Variants in ACAP2 observed in about 807,000 individuals in gnomAD.
ACAP2 encodes arf-GAP with coiled-coil, ANK repeat and PH domain-containing protein 2.
ACAP2 carries 39 observed loss-of-function variants against 115.8 expected under a neutral mutation model. The ratio of observed to expected loss-of-function variants is 0.34; its 90% CI spans 0.26 to 0.44. ACAP2 has a LOEUF of 0.44. Among genes scored for constraint, ACAP2 ranks in the 20% least tolerant of loss-of-function variants. The pLI, the probability that ACAP2 is intolerant of heterozygous loss-of-function variation, is 1.00. For missense variants in ACAP2, 662 were observed against 927.6 expected (o/e 0.71, Z 3.72); for synonymous variants, 289 against 315.8 (o/e 0.92, Z 0.90).
At chr3:195,343,502 T>C (rs1417842362) in intron 5 of ACAP2, among the ~76,000 whole-genome samples, 1 of 152,228 alleles carries the variant, frequency 6.6e-6, no homozygotes. Context: ...CATAGCTCAC[T>C]GCAGCCTTAA....
intron 1 of ACAP2, among the ~76,000 whole-genome samples, chr3:195,413,279 G>A (rs900112110): frequency 6.6e-6 from 1 of 152,132 alleles, no homozygotes; most frequent in Non-Finnish European, 1.5e-5. Context: ...ATAGTCAACA[G>A]ACAAAACTGT....
intron 8 of ACAP2, 64 bp downstream of exon 8, chr3:195,332,964 A>C: frequency 7.8e-7 from 1 of 1,281,796 alleles, no homozygotes; most frequent in Non-Finnish European, 1.1e-6. Flanking sequence ...CAATATGCTA[A>C]ATTTCTTTAA....
At chr3:195,416,157 C>CT (rs1194452212) in intron 1 of ACAP2, among the ~76,000 whole-genome samples, 1 of 152,086 alleles carries the variant, frequency 6.6e-6, no homozygotes, top group Admixed American at 6.5e-5. Flanking sequence ...ACCGCCCTGG[C>CT]TAACACGGTG....
chr3:195,426,109 T>C (rs1714667467), intron 1 of ACAP2, among the ~76,000 whole-genome samples: 1 of 152,218 alleles, frequency 6.6e-6, no homozygotes, highest in African/African-American at 2.4e-5. Flanking sequence ...CATCCTTGCC[T>C]ACCTCTGATC....
intron 4 of ACAP2, chr3:195,349,608 A>G (rs938380202): frequency 6.3e-6 from 1 of 158,224 alleles, no homozygotes; most frequent in African/African-American, 2.4e-5. Context: ...AATTAAAAAA[A>G]AAAACAAATG....
Position 195,442,995 on chromosome 3 carries a change from C to G in ACAP2, c.-148G>C. The G allele has an allele frequency of 1.6e-6, 1 of 633,746 alleles. No individual in the cohort carries two copies. Among genetic ancestry groups the G allele is most frequent in the Non-Finnish European group, 2.5e-6 (1 of 401,956 alleles). 39.3% of individuals were successfully genotyped at this position (633,746 alleles called of 1,614,324 possible). ...GCGCCTCGCCCGCTGGTCATAGCAG[C>G]CGCGAAGACGGCGACGACTAGTCAG... On this transcript the variant is annotated 5_prime_UTR_variant, in exon 1 of 23. Coordinates refer to ENST00000326793, the MANE Select transcript of ACAP2 (RefSeq NM_012287.6).
chr3:195,390,124 AGGC>A (rs1473223738), intron 2 of ACAP2, among the ~76,000 whole-genome samples: 2 of 152,070 alleles, frequency 1.3e-5, no homozygotes, highest in Admixed American at 6.6e-5. Context: ...TGAACCTGGG[AGGC>A]GGAGGTTGCA....
At position 195,294,746 on chromosome 3, in the gene ACAP2, C is replaced by CCGTGGAGGGTAAAGAT; in HGVS notation, c.1722_1737dup (p.Val580IlefsTer10). On this transcript the variant is annotated frameshift_variant, in exon 18 of 23. Transcript: ENST00000326793. LOFTEE classifies it high-confidence loss of function. ...GGCTCATATAAACTATTGGCTGACACCGTGGAGGGTAAAGATTCTCTTCCA... is the reference window on the plus strand; with the variant it reads ...GGCTCATATAAACTATTGGCTGACACCGTGGAGGGTAAAGATCGTGGAGGGTAAAGATTCTCTTCCA... The CCGTGGAGGGTAAAGAT allele has an allele frequency of 6.2e-7, 1 of 1,608,924 alleles. No homozygotes were observed. Among genetic ancestry groups the CCGTGGAGGGTAAAGAT allele is most frequent in the Non-Finnish European group, 8.5e-7 (1 of 1,176,742 alleles).
At chr3:195,286,024 G>A (rs530821396) in intron 21 of ACAP2, among the ~76,000 whole-genome samples, 167 bp from the exon 22 acceptor site, 1 of 152,296 alleles carries the variant, frequency 6.6e-6, no homozygotes, top group East Asian at 1.9e-4. Context: ...ACAAAGATAA[G>A]TATCTCACCT....
intron 4 of ACAP2, among the ~76,000 whole-genome samples, chr3:195,347,273 CA>C (rs1731245522): frequency 6.6e-6 from 1 of 152,068 alleles, no homozygotes; most frequent in South Asian, 2.1e-4. Context: ...CCAATCTTCT[CA>C]GGAACACTAA....
At chr3:195,439,000 G>A (rs1172595910) in intron 1 of ACAP2, among the ~76,000 whole-genome samples, 1 of 151,988 alleles carries the variant, frequency 6.6e-6, no homozygotes, top group Non-Finnish European at 1.5e-5. Context: ...GCCGGAGGGT[G>A]CAGTGAGCCG....
At chr3:195,325,287 A>C (rs1315576251) in intron 9 of ACAP2, among the ~76,000 whole-genome samples, 2 of 152,180 alleles carry the variant, frequency 1.3e-5, no homozygotes, top group Non-Finnish European at 2.9e-5. Context: ...GAGAAATGTA[A>C]AATGCGTGCA....
In ACAP2 at chr3:195,278,211, G is replaced by C. The variant is rs1425816151; in HGVS notation, c.*1117C>G. On this transcript the variant is annotated 3_prime_UTR_variant, in exon 23 of 23. Transcript: ENST00000326793. ...AATATTTTGGAATTCAGGGGTCTGTGAATCATGTAACCGAATACTAAAGCT... is the reference window on the plus strand; with the variant it reads ...AATATTTTGGAATTCAGGGGTCTGTCAATCATGTAACCGAATACTAAAGCT... 6.6e-6 allele frequency: 1 copy of C among 152,096 alleles called. No individual in the cohort carries two copies. Among genetic ancestry groups the C allele is most frequent in the Non-Finnish European group, 1.5e-5 (1 of 68,020 alleles). The allele number at this position is 152,096 out of a possible 1,614,324, so 9.4% of individuals were successfully genotyped here.
Position 195,441,387 on chromosome 3 carries a change from CA to C in ACAP2, c.53+1407del, listed in dbSNP as rs1436905664. Among the ~76,000 whole-genome samples the C allele has an allele frequency of 4.6e-5, 7 of 152,246 alleles. No individual in the cohort carries two copies. The East Asian group carries it at 1.3e-3, about 29-fold the overall frequency. On this transcript the variant is annotated intron_variant, in intron 1 of 22. Coordinates refer to ENST00000326793, the MANE Select transcript of ACAP2 (RefSeq NM_012287.6). ...TCAATAATGCAGAACATAAAAGTTT[CA>C]AAAATGAATCGCAACAACAGCTATC...
At chr3:195,357,160 T>C (rs1732028025) in intron 4 of ACAP2, among the ~76,000 whole-genome samples, 2 of 151,638 alleles carry the variant, frequency 1.3e-5, no homozygotes, top group South Asian at 4.2e-4. Context: ...GGGCCTTAAG[T>C]GAACAGTGAC....
intron 1 of ACAP2, among the ~76,000 whole-genome samples, chr3:195,427,341 G>A (rs551500418): frequency 2.5e-4 from 38 of 151,900 alleles, no homozygotes; most frequent in Admixed American, 3.9e-4. Context: ...ATTTTGTGTC[G>A]TTTTAGGCCA....
chr3:195,336,108 T>C (rs1560257155), intron 7 of ACAP2: 1 of 151,938 alleles, frequency 6.6e-6, no homozygotes, highest in South Asian at 2.1e-4. Context: ...TTCACCATGT[T>C]GGCCAGGCTG....
intron 1 of ACAP2, among the ~76,000 whole-genome samples, chr3:195,414,273 C>A (rs1158609161): frequency 6.6e-6 from 1 of 152,142 alleles, no homozygotes; most frequent in Admixed American, 6.5e-5. Context: ...AAAAGAAATA[C>A]ATACTTTTTA....
rs1291728603 is a variant in ACAP2, at chr3:195,351,117, C to CA, written c.286-5801_286-5800insT. Among the ~76,000 whole-genome samples the CA allele has an allele frequency of 9.0e-3, 963 of 107,358 alleles. 3 individuals are homozygous for CA. The highest frequency in any genetic ancestry group is 0.015 in the Non-Finnish European group (786 of 50,782). 70.4% of individuals were successfully genotyped at this position (107,358 alleles called of 152,430 possible). ...AACTCAGTAAATATGAAGATAAATC[C>CA]TTTTTTTTTTTTGGGCGGGGGACAG... On this transcript the variant is annotated intron_variant, in intron 4 of 22. Coordinates refer to ENST00000326793, the MANE Select transcript of ACAP2 (RefSeq NM_012287.6).
Sources: allele counts gnomAD v4.1 joint callset (sites outside exome capture counted in the v4.1 genomes callset), GRCh38; gene constraint gnomAD v4.1.1; transcripts MANE v1.5; gene names NCBI Gene and HGNC (gene_info 2026-07-23, HGNC 2026-07-21).